Variants in JMJD1C observed in about 807,000 individuals in gnomAD.
JMJD1C encodes the protein jumonji domain-containing protein 1C.
A neutral mutation model predicts 245.3 loss-of-function variants in JMJD1C; 31 were observed. The ratio of observed to expected loss-of-function variants is 0.13; its 90% CI spans 0.09 to 0.17. JMJD1C has a LOEUF of 0.17. JMJD1C is among the 10% of genes least tolerant of loss of function. The pLI, the probability that JMJD1C is intolerant of heterozygous loss-of-function variation, is 1.00. For missense variants in JMJD1C, 2,691 were observed against 3,000.2 expected, an observed-to-expected ratio of 0.90 and a Z score of 2.41; for synonymous variants, 1,057 against 1,017.4, an observed-to-expected ratio of 1.04 and a Z score of -0.74.
At position 63,264,736 on chromosome 10, in the gene JMJD1C, A is replaced by G. The variant is rs748656668; in HGVS notation, c.362T>C (p.Ile121Thr). 11 of 1,588,310 alleles carry G rather than the reference A, an allele frequency of 6.9e-6. No homozygotes were observed. The highest frequency in any genetic ancestry group is 8.6e-6 in the Non-Finnish European group (10 of 1,167,362). The change falls in exon 3 of 26, where the codon ATA becomes ACA. Residue 121 changes from isoleucine to threonine, a missense_variant. Ile to Thr is a moderately conservative substitution (Grantham distance 89). Coordinates refer to ENST00000399262, the MANE Select transcript of JMJD1C (RefSeq NM_032776.3). ...LTFKPLVERN[I>T]PSSVTAVEFL... ...TTCTACTGCAGTGACTGAACTGGGT[A>G]TATTTCTTTCAACCAGAGGTTTGAA...
chr10:63,295,260 A>G (rs112773191), intron 2 of JMJD1C, among the ~76,000 whole-genome samples: 1 of 58,550 alleles, frequency 1.7e-5, no homozygotes, highest in Non-Finnish European at 3.5e-5. Context: ...GTGCCCAACT[A>G]ATTTTTTTTT....
chr10:63,332,818 A>G (rs1309776698), intron 2 of JMJD1C, among the ~76,000 whole-genome samples: 1 of 152,210 alleles, frequency 6.6e-6, no homozygotes, highest in Non-Finnish European at 1.5e-5. Context: ...TGATTTTTCA[A>G]CTAGCTGTAT....
intron 1 of JMJD1C, among the ~76,000 whole-genome samples, chr10:63,392,115 C>T (rs1006608613): frequency 1.4e-4 from 21 of 152,134 alleles, no homozygotes; most frequent in African/African-American, 5.1e-4. Context: ...ACACACAACA[C>T]ATTATGGAAA....
intron 1 of JMJD1C, among the ~76,000 whole-genome samples, chr10:63,436,809 A>G (rs924981922): frequency 2.6e-5 from 4 of 152,166 alleles, no homozygotes; most frequent in African/African-American, 9.7e-5. Context: ...CCTTTCAGAC[A>G]TAAGAAATCC....
intron 1 of JMJD1C, among the ~76,000 whole-genome samples, chr10:63,445,768 C>G (rs1195626384): frequency 6.7e-6 from 1 of 149,302 alleles, no homozygotes; most frequent in Non-Finnish European, 1.5e-5. Flanking sequence ...GAAATAGACT[C>G]AACAGACTCT....
At chr10:63,313,276 A>T (rs1034243352) in intron 2 of JMJD1C, among the ~76,000 whole-genome samples, 12 of 151,836 alleles carry the variant, frequency 7.9e-5, no homozygotes, top group African/African-American at 2.9e-4. Context: ...AATGCCACTA[A>T]CTCATTCCTT....
intron 2 of JMJD1C, among the ~76,000 whole-genome samples, chr10:63,317,400 G>T (rs1940220057): frequency 6.6e-6 from 1 of 152,034 alleles, no homozygotes; most frequent in Non-Finnish European, 1.5e-5. Flanking sequence ...AGCTACTTGG[G>T]AGGCTGAGGC....
chr10:63,338,684 T>TTAA (rs1366499888), intron 2 of JMJD1C, among the ~76,000 whole-genome samples: 1 of 148,554 alleles, frequency 6.7e-6, no homozygotes, highest in East Asian at 2.0e-4. Context: ...GTTTCGCTCT[T>TTAA]GTTACCCAGA....
intron 23 of JMJD1C, chr10:63,177,039 AAGGC>A (rs2132813698): frequency 6.5e-6 from 1 of 152,798 alleles, no homozygotes; most frequent in East Asian, 1.9e-4. Context: ...TGGTACAAAA[AAGGC>A]TGTAACTCTT....
chr10:63,377,820 C>A (rs1347054787), intron 2 of JMJD1C, among the ~76,000 whole-genome samples: 2 of 151,528 alleles, frequency 1.3e-5, no homozygotes, highest in Admixed American at 1.3e-4. Flanking sequence ...CTTTTTTGAG[C>A]CCAGGAGTTC....
intron 1 of JMJD1C, among the ~76,000 whole-genome samples, chr10:63,500,844 G>A (rs543646174): frequency 6.6e-6 from 1 of 150,890 alleles, no homozygotes; most frequent in Non-Finnish European, 1.5e-5. Context: ...CAGATGGATG[G>A]ATGGATGGAT....
intron 2 of JMJD1C, among the ~76,000 whole-genome samples, chr10:63,313,042 A>C (rs561925045): frequency 3.5e-4 from 53 of 152,212 alleles, no homozygotes; most frequent in African/African-American, 1.2e-3. Flanking sequence ...TGGTGCACTC[A>C]CTACATGAGC....
chr10:63,456,029 A>G (rs1194716802), intron 1 of JMJD1C, among the ~76,000 whole-genome samples: 3 of 152,146 alleles, frequency 2.0e-5, no homozygotes, highest in African/African-American at 4.8e-5. Context: ...TTTCTATTAT[A>G]TAACTATGTG....
At position 63,207,441 on chromosome 10, in the gene JMJD1C, T is replaced by C. The variant is rs1397956442; in HGVS notation, c.4228A>G (p.Ser1410Gly). The change falls in exon 10 of 26, where the codon AGC becomes GGC. Residue 1410 changes from serine to glycine, a missense_variant. Around this residue, in one of 9 missense-constraint regions of JMJD1C, gnomAD observed 1,562 missense variants for 1,490.7 expected, o/e 1.05. Coordinates refer to ENST00000399262, the MANE Select transcript of JMJD1C (RefSeq NM_032776.3). ...TSAADTTSVSSWGGSEVISSL... is the reference protein window; with the variant it reads ...TSAADTTSVSGWGGSEVISSL... ...GAAATTACTTCTGAACCACCCCAGC[T>C]GGAAACACTGGTAGTATCGGCAGCA... 6.2e-7 allele frequency: 1 copy of C among 1,614,090 alleles called. No homozygotes were observed. Among genetic ancestry groups the C allele is most frequent in the Non-Finnish European group, 8.5e-7 (1 of 1,180,032 alleles).
At chr10:63,350,049 AAAG>A (rs1480475089) in intron 2 of JMJD1C, among the ~76,000 whole-genome samples, 9 of 152,216 alleles carry the variant, frequency 5.9e-5, no homozygotes, top group African/African-American at 1.4e-4. Context: ...TATACCTATA[AAAG>A]AAGACAAAAA....
chr10:63,412,211 C>T lies in JMJD1C; in HGVS notation c.169-31729G>A, dbSNP rs1376120322. ...TAACTGGTAATAGCCTACTGTTGACCGGAAGTCTTAACAATGACATAAAGT... is the reference window on the plus strand; with the variant it reads ...TAACTGGTAATAGCCTACTGTTGACTGGAAGTCTTAACAATGACATAAAGT... On this transcript the variant is annotated intron_variant, in intron 1 of 25. Coordinates refer to ENST00000399262, the MANE Select transcript of JMJD1C (RefSeq NM_032776.3). Among the ~76,000 whole-genome samples the T allele has an allele frequency of 3.9e-5, 6 of 151,960 alleles. No homozygotes were observed. The East Asian group carries it at 1.2e-3, about 29-fold the overall frequency.
chr10:63,290,228 G>A (rs562463242), intron 2 of JMJD1C, among the ~76,000 whole-genome samples: 117 of 152,214 alleles, frequency 7.7e-4, no homozygotes, highest in Admixed American at 1.7e-3. Context: ...GACTTCTAGG[G>A]AACTCTGTAT....
chr10:63,339,135 G>C (rs1306647228), intron 2 of JMJD1C, among the ~76,000 whole-genome samples: 1 of 152,140 alleles, frequency 6.6e-6, no homozygotes, highest in Non-Finnish European at 1.5e-5. Flanking sequence ...CTGCCTAACA[G>C]ATCTAGCCAG....
chr10:63,360,570 G>C (rs1020259123), intron 2 of JMJD1C, among the ~76,000 whole-genome samples: 8 of 152,102 alleles, frequency 5.3e-5, no homozygotes, highest in Admixed American at 2.6e-4. Flanking sequence ...CAATAGGTAT[G>C]TTTAATTTAA....
Sources: gnomAD v4.1 joint callset for allele counts (sites outside exome capture counted in the v4.1 genomes callset) on GRCh38, gnomAD v4.1.1 for gene constraint, gnomAD v4.1.1 regional missense constraint, MANE v1.5 for transcripts, NCBI Gene and HGNC (gene_info 2026-07-23, HGNC 2026-07-21) for gene names.